Variants in CNTN4 observed in about 807,000 individuals in gnomAD.
CNTN4 encodes contactin 4.
Under a neutral mutation model 122.5 loss-of-function variants are expected in CNTN4, and 77 were observed. That is an observed-to-expected ratio of 0.63 (90% CI 0.52 to 0.76). The LOEUF is 0.76. CNTN4 is among the 30% of genes least tolerant of loss of function. CNTN4 has a pLI of 0.00. For missense variants in CNTN4, 1,256 were observed against 1,259.1 expected (o/e 1.00, Z 0.04); for synonymous variants, 512 against 447.0 (o/e 1.15, Z -1.83).
At chr3:2,170,110 A>G (rs2036417467) in intron 2 of CNTN4, among the ~76,000 whole-genome samples, 1 of 151,978 alleles carries the variant, frequency 6.6e-6, no homozygotes, top group Admixed American at 6.6e-5. Context: ...TCACAAGGTC[A>G]GGAGATCGAG....
intron 3 of CNTN4, among the ~76,000 whole-genome samples, chr3:2,351,611 T>G (rs991342851): frequency 4.6e-5 from 7 of 152,194 alleles, no homozygotes; most frequent in African/African-American, 1.4e-4. Flanking sequence ...GAGCGTGATT[T>G]CTTCACGCTA....
chr3:2,593,655 G>A (rs2080612427), intron 4 of CNTN4, among the ~76,000 whole-genome samples: 1 of 152,202 alleles, frequency 6.6e-6, no homozygotes, highest in African/African-American at 2.4e-5. Flanking sequence ...TACTGCCACA[G>A]CTTATACCTA....
intron 6 of CNTN4, among the ~76,000 whole-genome samples, chr3:2,770,398 T>A (rs571745382): frequency 1.8e-4 from 28 of 152,348 alleles, no homozygotes; most frequent in African/African-American, 6.5e-4. Context: ...TATAAGGCAG[T>A]ATTGCCTTTT....
chr3:3,025,339 T>C (rs1698637927), intron 14 of CNTN4, among the ~76,000 whole-genome samples: 1 of 152,174 alleles, frequency 6.6e-6, no homozygotes, highest in Non-Finnish European at 1.5e-5. Flanking sequence ...TTTCTAATTA[T>C]AAATATTAGA....
chr3:2,235,882 C>G (rs941719483), intron 2 of CNTN4, among the ~76,000 whole-genome samples: 1 of 151,988 alleles, frequency 6.6e-6, no homozygotes, highest in Admixed American at 6.6e-5. Flanking sequence ...AATACAAATA[C>G]GAGGCATTAT....
chr3:2,215,079 CAT>C (rs1332667534), intron 2 of CNTN4, among the ~76,000 whole-genome samples: 10 of 152,176 alleles, frequency 6.6e-5, no homozygotes, highest in African/African-American at 2.4e-4. Flanking sequence ...CAGATACAAA[CAT>C]ATCCTTTCTC....
At chr3:2,426,987 G>A (rs1471773981) in intron 3 of CNTN4, among the ~76,000 whole-genome samples, 1 of 152,000 alleles carries the variant, frequency 6.6e-6, no homozygotes, top group Admixed American at 6.6e-5. Flanking sequence ...CTTGCTAGCG[G>A]TCTATCACTT....
intron 4 of CNTN4, among the ~76,000 whole-genome samples, chr3:2,734,631 A>T (rs1397231686): frequency 1.4e-5 from 2 of 146,366 alleles, no homozygotes; most frequent in Non-Finnish European, 3.0e-5. Context: ...CTTCTATTTC[A>T]ACCTTAGCAT....
At chr3:2,718,200 C>G (rs2087616987) in intron 4 of CNTN4, among the ~76,000 whole-genome samples, 1 of 151,870 alleles carries the variant, frequency 6.6e-6, no homozygotes, top group Non-Finnish European at 1.5e-5. Flanking sequence ...CCAAAATAGC[C>G]TCATATATAT....
intron 13 of CNTN4, among the ~76,000 whole-genome samples, chr3:2,938,575 C>G (rs924976999): frequency 1.3e-4 from 20 of 152,192 alleles, no homozygotes; most frequent in Non-Finnish European, 1.5e-5. Context: ...AAGGAACAAG[C>G]ACTAGATGCT....
At chr3:2,150,060 A>C (rs2125398317) in intron 2 of CNTN4, among the ~76,000 whole-genome samples, 1 of 152,170 alleles carries the variant, frequency 6.6e-6, no homozygotes, top group South Asian at 2.1e-4. Context: ...TATACATTTA[A>C]AATCTAATAT....
At chr3:2,598,033 G>C (rs980387933) in intron 4 of CNTN4, among the ~76,000 whole-genome samples, 28 of 152,128 alleles carry the variant, frequency 1.8e-4, no homozygotes, top group Admixed American at 1.3e-4. Context: ...CTCAAGAATT[G>C]ATTTTTGTAA....
At chr3:2,224,639 G>C (rs1428055130) in intron 2 of CNTN4, among the ~76,000 whole-genome samples, 2 of 152,236 alleles carry the variant, frequency 1.3e-5, no homozygotes, top group South Asian at 4.1e-4. Flanking sequence ...TGACACACTT[G>C]CTATGGTTGT....
At chr3:2,702,749 G>C (rs553640279) in intron 4 of CNTN4, among the ~76,000 whole-genome samples, 1 of 149,912 alleles carries the variant, frequency 6.7e-6, no homozygotes, top group Non-Finnish European at 1.5e-5. Context: ...TCACGCAATC[G>C]TTCATGTGCA....
intron 2 of CNTN4, among the ~76,000 whole-genome samples, chr3:2,189,722 C>G (rs1421896946): frequency 6.8e-6 from 1 of 147,416 alleles, no homozygotes; most frequent in African/African-American, 2.5e-5. Flanking sequence ...CCATAGAACT[C>G]TGTGTCCATT....
At chr3:2,225,106 G>C (rs868640728) in intron 2 of CNTN4, among the ~76,000 whole-genome samples, 4 of 151,298 alleles carry the variant, frequency 2.6e-5, no homozygotes, top group African/African-American at 9.7e-5. Context: ...AGCCGAGATC[G>C]CACCACTGCA....
At chr3:2,773,187 A>C (rs967193168) in intron 6 of CNTN4, among the ~76,000 whole-genome samples, 5 of 152,254 alleles carry the variant, frequency 3.3e-5, no homozygotes, top group African/African-American at 1.2e-4. Flanking sequence ...GTATACCTGA[A>C]GAAGGAAAGA....
chr3:2,870,601 G>A (rs755997361), intron 8 of CNTN4, among the ~76,000 whole-genome samples: 2 of 152,058 alleles, frequency 1.3e-5, no homozygotes, highest in Non-Finnish European at 2.9e-5. Context: ...ATATTAGACT[G>A]GTAAGTGCAA....
chr3:2,416,671 T>C (rs2047424711), intron 3 of CNTN4, among the ~76,000 whole-genome samples: 1 of 152,176 alleles, frequency 6.6e-6, no homozygotes, highest in Non-Finnish European at 1.5e-5. Flanking sequence ...TTCTTTTTTT[T>C]AGGACGGAGT....
Sources: allele counts gnomAD v4.1 joint callset (sites outside exome capture counted in the v4.1 genomes callset), GRCh38; gene constraint gnomAD v4.1.1; transcripts MANE v1.5; gene names NCBI Gene and HGNC (gene_info 2026-07-23, HGNC 2026-07-21).